Variants in RBFOX1 observed in about 807,000 individuals in gnomAD.
RBFOX1 encodes RNA binding protein fox-1 homolog 1.
RBFOX1 carries 8 observed loss-of-function variants against 57.7 expected under a neutral mutation model. The ratio of observed to expected loss-of-function variants is 0.14; its 90% confidence interval spans 0.08 to 0.25. The LOEUF (loss-of-function observed/expected upper bound fraction) is 0.25. RBFOX1 is among the 10% of genes least tolerant of loss of function. RBFOX1 has a pLI of 1.00. For missense variants in RBFOX1, 611 were observed against 548.5 expected (o/e 1.11, Z -1.14); for synonymous variants, 326 against 222.4 (o/e 1.47, Z -4.15).
chr16:6,901,783 A>G (rs1387136533), intron 3 of RBFOX1, among the ~76,000 whole-genome samples: 1 of 152,188 alleles, frequency 6.6e-6, no homozygotes, highest in African/African-American at 2.4e-5. Context: ...GATGAGATGG[A>G]TTGAGAAGGA....
At chr16:6,777,021 C>T (rs1408467191) in intron 3 of RBFOX1, among the ~76,000 whole-genome samples, 1 of 152,150 alleles carries the variant, frequency 6.6e-6, no homozygotes, top group African/African-American at 2.4e-5. Context: ...TAATAGCCTT[C>T]TGTAATTGAA....
intron 2 of RBFOX1, among the ~76,000 whole-genome samples, chr16:6,392,063 TC>T (rs2092629223): frequency 6.6e-6 from 1 of 152,166 alleles, no homozygotes; most frequent in African/African-American, 2.4e-5. Context: ...TAGGAGATAA[TC>T]CCTCTTCAAT....
At chr16:5,271,139 C>T (rs1271937476) in intron 1 of RBFOX1, among the ~76,000 whole-genome samples, 1 of 151,998 alleles carries the variant, frequency 6.6e-6, no homozygotes, top group East Asian at 1.9e-4. Context: ...GCCAAGATTG[C>T]ATCATTGCAC....
At chr16:5,504,783 G>T (rs1257049248) in intron 2 of RBFOX1, among the ~76,000 whole-genome samples, 3 of 152,198 alleles carry the variant, frequency 2.0e-5, no homozygotes, top group Non-Finnish European at 1.5e-5. Context: ...GCGGAGGCTT[G>T]GGAAGACCAA....
chr16:6,529,143 G>C (rs893214554), intron 2 of RBFOX1, among the ~76,000 whole-genome samples: 2 of 152,096 alleles, frequency 1.3e-5, no homozygotes, highest in African/African-American at 2.4e-5. Flanking sequence ...GCCTCCATCT[G>C]TTACCCAATC....
At chr16:6,330,351 C>T (rs2082866505) in intron 2 of RBFOX1, among the ~76,000 whole-genome samples, 1 of 152,208 alleles carries the variant, frequency 6.6e-6, no homozygotes, top group Non-Finnish European at 1.5e-5. Flanking sequence ...CACACCTGCA[C>T]AAAGGCTCCC....
intron 7 of RBFOX1, among the ~76,000 whole-genome samples, chr16:7,588,037 G>C (rs972178021): frequency 6.6e-6 from 1 of 152,136 alleles, no homozygotes; most frequent in African/African-American, 2.4e-5. Context: ...AAATTAGCTG[G>C]GTGTGGTGGC....
intron 1 of RBFOX1, among the ~76,000 whole-genome samples, chr16:5,262,990 G>T (rs557575244): frequency 7.2e-5 from 11 of 151,952 alleles, no homozygotes; most frequent in Admixed American, 3.3e-4. Context: ...TGAGTCTGAA[G>T]TTATCTTTCT....
chr16:6,122,289 G>A (rs751443981), intron 1 of RBFOX1, among the ~76,000 whole-genome samples: 4 of 151,880 alleles, frequency 2.6e-5, no homozygotes, highest in Non-Finnish European at 5.9e-5. Context: ...CCTCTTGACA[G>A]TGGGGAACAG....
At chr16:6,434,379 C>T (rs1296551740) in intron 2 of RBFOX1, among the ~76,000 whole-genome samples, 2 of 152,106 alleles carry the variant, frequency 1.3e-5, no homozygotes, top group Non-Finnish European at 2.9e-5. Context: ...CCCCAGCTTC[C>T]TCTTCTCGAT....
At chr16:6,681,400 C>T (rs2058631764) in intron 3 of RBFOX1, among the ~76,000 whole-genome samples, 1 of 152,132 alleles carries the variant, frequency 6.6e-6, no homozygotes, top group Admixed American at 6.5e-5. Flanking sequence ...ATCTTGGTAG[C>T]AAATTTTTAT....
intron 2 of RBFOX1, among the ~76,000 whole-genome samples, chr16:6,418,516 C>G (rs1482855899): frequency 7.8e-6 from 1 of 127,656 alleles, no homozygotes; most frequent in Non-Finnish European, 1.5e-5. Context: ...TTCTGCAAGC[C>G]TTATTTTTTT....
intron 3 of RBFOX1, among the ~76,000 whole-genome samples, chr16:5,725,293 A>C (rs2052100886): frequency 6.6e-6 from 1 of 151,954 alleles, no homozygotes; most frequent in Non-Finnish European, 1.5e-5. Flanking sequence ...TCCCAGGCAG[A>C]AGTGCAATTA....
At chr16:5,719,365 C>A (rs987479662) in intron 3 of RBFOX1, among the ~76,000 whole-genome samples, 1 of 144,854 alleles carries the variant, frequency 6.9e-6, no homozygotes, top group Non-Finnish European at 1.5e-5. Context: ...CCATGCCCGG[C>A]TAATTTTTTT....
intron 1 of RBFOX1, among the ~76,000 whole-genome samples, chr16:6,221,503 A>G (rs1472500110): frequency 2.0e-5 from 3 of 152,208 alleles, no homozygotes; most frequent in Non-Finnish European, 4.4e-5. Flanking sequence ...GTATTGTATA[A>G]TTTCAATATG....
At chr16:5,438,787 G>A (rs762582476) in intron 1 of RBFOX1, among the ~76,000 whole-genome samples, 1 of 152,052 alleles carries the variant, frequency 6.6e-6, no homozygotes, top group Non-Finnish European at 1.5e-5. Flanking sequence ...TGACTCATCC[G>A]TCCTGTGGGG....
chr16:7,155,433 G>C (rs56768329), intron 4 of RBFOX1, among the ~76,000 whole-genome samples: 32,418 of 151,096 alleles, frequency 0.21, 3,775 homozygotes, highest in African/African-American at 0.29. Flanking sequence ...TACATAAAAT[G>C]ATAATAATAG....
At chr16:5,416,955 C>A (rs540501791) in intron 1 of RBFOX1, among the ~76,000 whole-genome samples, 1 of 152,116 alleles carries the variant, frequency 6.6e-6, no homozygotes, top group Non-Finnish European at 1.5e-5. Flanking sequence ...GAACAGGGCA[C>A]AGCAATGAAA....
At chr16:6,859,301 C>T (rs1467076176) in intron 3 of RBFOX1, among the ~76,000 whole-genome samples, 2 of 150,132 alleles carry the variant, frequency 1.3e-5, no homozygotes, top group Non-Finnish European at 3.0e-5. Flanking sequence ...CCATCTCATT[C>T]GTTGATAATA....
Sources: allele counts gnomAD v4.1 joint callset (sites outside exome capture counted in the v4.1 genomes callset), GRCh38; gene constraint gnomAD v4.1.1; transcripts MANE v1.5; gene names NCBI Gene and HGNC (gene_info 2026-07-23, HGNC 2026-07-21).